The following RSF1 variants were observed in gnomAD, a reference collection of about 807,000 sequenced individuals.
RSF1 encodes the protein HBV pX-associated protein 8.
A neutral mutation model predicts 145.2 loss-of-function variants in RSF1; 13 were observed. That is an observed-to-expected ratio of 0.09 (90% CI 0.06 to 0.14). RSF1 has a LOEUF of 0.14. Ranked by LOEUF, RSF1 falls within the 10% of genes least tolerant of loss-of-function variation. The probability of loss-of-function intolerance (pLI) is 1.00; values close to 1 mark genes in which losing one functional copy is unlikely to be tolerated. For synonymous variants in RSF1, 577 were observed against 592.6 expected (o/e 0.97, Z 0.38); for missense variants, 1,517 against 1,718.2 (o/e 0.88, Z 2.07).
chr11:77,801,879 A>T (rs915423528), intron 1 of RSF1, among the ~76,000 whole-genome samples: 1 of 151,830 alleles, frequency 6.6e-6, no homozygotes, highest in Non-Finnish European at 1.5e-5. Context: ...AAAAATCCCT[A>T]AACTGGCTGG....
At chr11:77,768,084 A>C (rs1460120966) in intron 1 of RSF1, among the ~76,000 whole-genome samples, 1 of 152,088 alleles carries the variant, frequency 6.6e-6, no homozygotes, top group African/African-American at 2.4e-5. Flanking sequence ...ATAAAAAGTA[A>C]AAAGAGGTTA....
chr11:77,783,419 G>A (rs1948423838), intron 1 of RSF1, among the ~76,000 whole-genome samples: 1 of 152,186 alleles, frequency 6.6e-6, no homozygotes, highest in Non-Finnish European at 1.5e-5. Context: ...TGTAGTGCAA[G>A]TGGCTAGCTC....
In RSF1 at chr11:77,692,242, T is replaced by C. The variant is rs1960170717; in HGVS notation, c.2821-1004A>G. 3.5e-5 allele frequency among the ~76,000 whole-genome samples: 2 copies of C among 57,700 alleles called. 1 individual carries two copies. The highest frequency in any genetic ancestry group is 2.4e-4 in the African/African-American group (2 of 8,324). 37.9% of individuals were successfully genotyped at this position (57,700 alleles called of 152,430 possible). A position where few individuals can be genotyped will look rare whatever the true frequency, so the allele number is the denominator to read the frequency against. ...TTATTACTACTTTTAAATTTTTTTT[T>C]TTTTTTTTTTTTTTTTTTTTGAGAC... is the stretch of plus-strand genomic sequence containing the variant. On this transcript the variant is annotated intron_variant, in intron 8 of 15. Coordinates refer to ENST00000308488, the MANE Select transcript of RSF1 (RefSeq NM_016578.4).
intron 5 of RSF1, 25 bp downstream of exon 5, chr11:77,725,520 C>A: frequency 6.6e-7 from 1 of 1,505,010 alleles, no homozygotes; most frequent in Admixed American, 2.4e-5. Context: ...CAAAACAAAG[C>A]AAAACAAAAC....
Position 77,725,558 on chromosome 11 carries a change from T to G in RSF1, c.720A>C (p.Glu240Asp). The change falls in exon 5 of 16, where the codon GAA becomes GAC. Residue 240 changes from glutamate (E) to aspartate (D), a missense_variant. Glu to Asp is a conservative substitution (Grantham distance 45). Coordinates refer to ENST00000308488, the MANE Select transcript of RSF1 (RefSeq NM_016578.4). Reference protein sequence around the residue: ...LEDEETKKEEETPKQEEQKES... With the variant: ...LEDEETKKEEDTPKQEEQKES... The stretch of plus-strand genomic sequence containing the variant: ...ACAAAAAAAAACCTTGTTTAGGTGT[T>G]TCTTCCTCTTTTTTAGTCTCCTCAT... 6.4e-7 allele frequency: 1 copy of G among 1,566,630 alleles called. No homozygotes were observed. Among genetic ancestry groups the G allele is most frequent in the Non-Finnish European group, 8.6e-7 (1 of 1,156,424 alleles).
chr11:77,667,894 G>A (rs1338438346), intron 15 of RSF1, among the ~76,000 whole-genome samples: 1 of 151,998 alleles, frequency 6.6e-6, no homozygotes, highest in African/African-American at 2.4e-5. Flanking sequence ...TAGTAGAGAC[G>A]GGGTTTCACT....
rs556425989 is a variant in RSF1 at position 77,723,341 on chromosome 11, G to A, written c.733+2204C>T. Among the ~76,000 whole-genome samples, 6 of 152,186 alleles carry A rather than the reference G, an allele frequency of 3.9e-5. No homozygotes were observed. In the South Asian group the frequency reaches 1.0e-3, roughly 26 times the overall value. On this transcript the variant is annotated intron_variant, in intron 5 of 15. Coordinates refer to ENST00000308488, the MANE Select transcript of RSF1 (RefSeq NM_016578.4). ...CTGGGCCTGATGGCACATGCCTGTA[G>A]TCTTATCTACTCAGGAAAGGCTGAA...
intron 3 of RSF1, among the ~76,000 whole-genome samples, chr11:77,744,027 A>C (rs139350075): frequency 2.2e-3 from 334 of 152,238 alleles, no homozygotes; most frequent in African/African-American, 7.2e-3. Context: ...TTATTTAGTT[A>C]ATTAATTAAT....
intron 1 of RSF1, among the ~76,000 whole-genome samples, chr11:77,801,012 CAAA>C (rs111666877): frequency 6.8e-6 from 1 of 146,746 alleles, no homozygotes; most frequent in East Asian, 2.0e-4. Context: ...CTCTCTCTCT[CAAA>C]AAAAAAAAGA....
At chr11:77,807,509 G>C (rs1057133681) in intron 1 of RSF1, among the ~76,000 whole-genome samples, 5 of 152,182 alleles carry the variant, frequency 3.3e-5, no homozygotes, top group African/African-American at 1.2e-4. Context: ...AGGTTAAAAG[G>C]ATGGAAAGGA....
the RSF1 span, among the ~76,000 whole-genome samples, chr11:77,835,992 C>G: frequency 6.6e-6 from 1 of 152,052 alleles, no homozygotes; most frequent in African/African-American, 2.4e-5. Flanking sequence ...TAGAGTCAGA[C>G]AGACTTGGAT....
upstream of RSF1, chr11:77,821,154 C>A: frequency 2.6e-6 from 1 of 389,002 alleles, no homozygotes; most frequent in South Asian, 8.4e-5. Flanking sequence ...AGTTGGGGAG[C>A]GCAGATCCCG....
intron 5 of RSF1, among the ~76,000 whole-genome samples, chr11:77,718,953 C>T (rs1027422020): frequency 6.6e-6 from 1 of 152,278 alleles, no homozygotes; most frequent in African/African-American, 2.4e-5. Flanking sequence ...AATCTACCTA[C>T]TATAACTATA....
At chr11:77,713,986 T>C (rs1960747881) in intron 5 of RSF1, among the ~76,000 whole-genome samples, 1 of 152,194 alleles carries the variant, frequency 6.6e-6, no homozygotes, top group Non-Finnish European at 1.5e-5. Context: ...CCTAAACTTT[T>C]AGAAAAAAGT....
At chr11:77,741,220 A>G (rs903020461) in intron 3 of RSF1, among the ~76,000 whole-genome samples, 1 of 152,182 alleles carries the variant, frequency 6.6e-6, no homozygotes, top group East Asian at 1.9e-4. Context: ...TTTGCACTAA[A>G]AACTCCCAAA....
rs1959364490 is a variant in RSF1, at chr11:77,666,406, A to G, written c.*511T>C. The G allele has an allele frequency of 6.6e-6, 1 of 152,626 alleles. No homozygotes were observed. Among genetic ancestry groups the G allele is most frequent in the Non-Finnish European group, 1.5e-5 (1 of 68,038 alleles). 9.5% of individuals were successfully genotyped at this position (152,626 alleles called of 1,614,324 possible). The stretch of plus-strand genomic sequence containing the variant: ...ATGACTTATGTATGATGTTATCTAC[A>G]ATTCTCAAACTGTAACAGTACAGAC... On this transcript the variant is annotated 3_prime_UTR_variant, in exon 16 of 16. Coordinates refer to ENST00000308488, the MANE Select transcript of RSF1 (RefSeq NM_016578.4).
intron 9 of RSF1, among the ~76,000 whole-genome samples, chr11:77,687,839 TA>T (rs1225243026): frequency 6.6e-6 from 1 of 152,198 alleles, no homozygotes; most frequent in East Asian, 1.9e-4. Context: ...AAAATCAAAA[TA>T]TTTCATAATT....
At chr11:77,773,803 T>C (rs900361757) in intron 1 of RSF1, among the ~76,000 whole-genome samples, 1 of 152,168 alleles carries the variant, frequency 6.6e-6, no homozygotes, top group Non-Finnish European at 1.5e-5. Flanking sequence ...AAAATTATCT[T>C]GTAATTTTAA....
At chr11:77,700,377 A>AAAAAAAAAAAAT (rs1960388049) in intron 6 of RSF1, among the ~76,000 whole-genome samples, 1 of 143,004 alleles carries the variant, frequency 7.0e-6, no homozygotes, top group African/African-American at 2.6e-5. Context: ...AAAAAAAAAA[A>AAAAAAAAAAAAT]GACTGCAAAG....
Sources: gnomAD v4.1 joint callset for allele counts (sites outside exome capture counted in the v4.1 genomes callset) on GRCh38, gnomAD v4.1.1 for gene constraint, MANE v1.5 for transcripts, NCBI Gene and HGNC (gene_info 2026-07-23, HGNC 2026-07-21) for gene names.